The following PRSS55 variants were observed in gnomAD, a reference collection of about 807,000 sequenced individuals.
The protein encoded by PRSS55 is serine protease 55, also known as probable serine protease UNQ9391/PRO34284.
Under a neutral mutation model 23.6 loss-of-function variants are expected in PRSS55, and 41 were observed. The observed-to-expected ratio is 1.74, with a 90% CI of 1.35 to 2.26. The LOEUF is 2.26. Ranked by LOEUF, PRSS55 falls within the 30% of genes most tolerant of loss-of-function variation. PRSS55 has a pLI of 0.00. For synonymous variants in PRSS55, 262 were observed against 175.5 expected, an observed-to-expected ratio of 1.49 and a Z score of -3.90; for missense variants, 669 against 439.1, an observed-to-expected ratio of 1.52 and a Z score of -4.68.
Position 10,528,230 on chromosome 8 carries a change from G to A in PRSS55, c.155-1277G>A, listed in dbSNP as rs552438845. On this transcript the variant is annotated intron_variant, in intron 1 of 4. Coordinates refer to ENST00000328655, the MANE Select transcript of PRSS55 (RefSeq NM_198464.4). ...AAAAAAAAAAAAAAAGTCCCGAAGA[G>A]AGCCTTTATGCATTGCTGAGAGCAG... Among the ~76,000 whole-genome samples the A allele has an allele frequency of 1.1e-4, 16 of 150,070 alleles. No individual in the cohort carries two copies. The South Asian group carries it at 3.0e-3, about 28-fold the overall frequency.
intron 4 of PRSS55, among the ~76,000 whole-genome samples, chr8:10,551,982 C>T (rs1812962113): frequency 1.3e-5 from 2 of 152,364 alleles, no homozygotes; most frequent in Middle Eastern, 3.4e-3. Context: ...AATAGCTCTA[C>T]AGAGCAGCCG....
chr8:10,535,503 C>A (rs1047175917), intron 4 of PRSS55, among the ~76,000 whole-genome samples: 3 of 152,222 alleles, frequency 2.0e-5, no homozygotes, highest in Non-Finnish European at 2.9e-5. Context: ...GTTGGGATAA[C>A]TGGCTAGCCA....
intron 1 of PRSS55, among the ~76,000 whole-genome samples, chr8:10,529,024 C>T (rs1475545029): frequency 6.6e-6 from 1 of 152,204 alleles, no homozygotes; most frequent in Non-Finnish European, 1.5e-5. Context: ...GCCAGCATCA[C>T]GTTCCCACTC....
At chr8:10,528,777 T>C (rs1235254210) in intron 1 of PRSS55, among the ~76,000 whole-genome samples, 1 of 152,234 alleles carries the variant, frequency 6.6e-6, no homozygotes, top group Non-Finnish European at 1.5e-5. Context: ...AAAGGCCTTC[T>C]GGGGCTGAAT....
Position 10,525,641 on chromosome 8 carries a change from G to C in PRSS55, c.56G>C (p.Gly19Ala). ...TCCCTGGTCACGGGAACTCAGCTCG[G>C]TCCACGGACTCCTCTCCCAGAGGCT... ...LLSLVTGTQL[G>A]PRTPLPEAGV... is the part of the protein sequence containing the mutation. Residue 19 changes from glycine (G) to alanine (A), a missense_variant, in exon 1 of 5, where the codon GGT (glycine) becomes GCT (alanine). Physicochemically the swap from Gly to Ala is moderately conservative, Grantham distance 60. Transcript: ENST00000328655. 6.2e-7 allele frequency: 1 copy of C among 1,614,160 alleles called. No individual in the cohort carries two copies. Among genetic ancestry groups the C allele is most frequent in the Non-Finnish European group, 8.5e-7 (1 of 1,180,022 alleles).
At chr8:10,528,922 T>G (rs1436043189) in intron 1 of PRSS55, among the ~76,000 whole-genome samples, 1 of 152,162 alleles carries the variant, frequency 6.6e-6, no homozygotes, top group African/African-American at 2.4e-5. Context: ...TCTCTTTGCC[T>G]TTCCTCTGCA....
At chr8:10,549,128 G>C (rs935554668) in intron 4 of PRSS55, among the ~76,000 whole-genome samples, 5 of 152,204 alleles carry the variant, frequency 3.3e-5, no homozygotes, top group African/African-American at 7.2e-5. Flanking sequence ...TGGTCTAGAG[G>C]GGGAGATGGA....
intron 1 of PRSS55, among the ~76,000 whole-genome samples, chr8:10,527,040 C>T (rs1812049503): frequency 1.3e-5 from 2 of 152,196 alleles, no homozygotes; most frequent in South Asian, 2.1e-4. Flanking sequence ...CAACCCAGCT[C>T]ATACACACTC....
chr8:10,547,052 A>C (rs959631027), intron 4 of PRSS55, among the ~76,000 whole-genome samples: 13 of 152,308 alleles, frequency 8.5e-5, no homozygotes, highest in Admixed American at 7.2e-4. Context: ...AGCCCAGCAG[A>C]TGGCAGTGGG....
rs1248204290 is a variant in PRSS55, at chr8:10,525,678, C to T, written c.93C>T (p.Ile31=). 3 of 1,613,952 alleles carry T rather than the reference C, an allele frequency of 1.9e-6. No individual in the cohort carries two copies. Among genetic ancestry groups the T allele is most frequent in the Non-Finnish European group, 2.5e-6 (3 of 1,180,008 alleles). ...RTPLPEAGVA[I]LGRARGAHRP... ...CTCTCCCAGAGGCTGGAGTGGCTAT[C>T]CTAGGCAGGGCTAGGGGAGCCCACC... The change falls in exon 1 of 5, where the codon ATC becomes ATT. Residue 31 remains isoleucine, a synonymous_variant. Coordinates refer to ENST00000328655, the MANE Select transcript of PRSS55 (RefSeq NM_198464.4).
chr8:10,532,967 G>A lies in PRSS55; in HGVS notation c.660G>A (p.Glu220=), dbSNP rs1280906270. 1.9e-6 allele frequency: 3 copies of A among 1,614,166 alleles called. No homozygotes were observed. The highest frequency in any genetic ancestry group is 1.1e-5 in the South Asian group (1 of 91,078). The change falls in exon 4 of 5, where the codon GAG becomes GAA. Residue 220 remains glutamate, a synonymous_variant. Transcript: ENST00000328655. ...CGCCAATGGTCATCATGGACTGGGA[G>A]GAGTGTTCAAAGATGTTTCCAAAAC... ...MKAPMVIMDW[E]ECSKMFPKLT... is the part of the protein sequence containing the mutation.
intron 4 of PRSS55, among the ~76,000 whole-genome samples, chr8:10,553,008 G>A (rs1158826277): frequency 6.6e-6 from 1 of 152,216 alleles, no homozygotes; most frequent in Admixed American, 6.5e-5. Flanking sequence ...CATGAGATGT[G>A]GTTTAGTTCT....
intron 1 of PRSS55, among the ~76,000 whole-genome samples, chr8:10,526,735 C>T (rs1377007032): frequency 6.6e-6 from 1 of 152,222 alleles, no homozygotes; most frequent in African/African-American, 2.4e-5. Context: ...TCTGCCAGTT[C>T]ATTCTGGAGA....
chr8:10,533,057 G>C lies in PRSS55; in HGVS notation c.741+9G>C. On this transcript the variant is annotated intron_variant, in intron 4 of 4. Transcript: ENST00000328655. ...GCTATGATGCCTGCAAGGTAACTAG[G>C]GGGTACCCTCCCTCACCTTATAGGT... is the stretch of plus-strand genomic sequence containing the variant. The C allele has an allele frequency of 6.2e-7, 1 of 1,614,074 alleles. No individual in the cohort carries two copies. The highest frequency in any genetic ancestry group is 8.5e-7 in the Non-Finnish European group (1 of 1,179,966).
chr8:10,528,974 C>G (rs1288067305), intron 1 of PRSS55, among the ~76,000 whole-genome samples: 2 of 152,206 alleles, frequency 1.3e-5, no homozygotes, highest in Non-Finnish European at 2.9e-5. Flanking sequence ...CCCTCCACCC[C>G]TCTCAAGGGC....
At chr8:10,544,637 G>A (rs4841373) in intron 4 of PRSS55, among the ~76,000 whole-genome samples, 11,637 of 152,100 alleles carry the variant, frequency 0.077, 495 homozygotes, top group Non-Finnish European at 0.096. Context: ...TTCTAGTGTA[G>A]CATTTTAATT....
At chr8:10,544,394 CTACT>C (rs1812760749) in intron 4 of PRSS55, among the ~76,000 whole-genome samples, 1 of 129,464 alleles carries the variant, frequency 7.7e-6, no homozygotes, top group South Asian at 2.1e-4. Context: ...TATTTTTAAC[CTACT>C]TATATATGTG....
chr8:10,528,200 CAAAAAA>C (rs35143057), intron 1 of PRSS55, among the ~76,000 whole-genome samples: 1 of 89,612 alleles, frequency 1.1e-5, no homozygotes, highest in Non-Finnish European at 2.2e-5. Context: ...CTTCGTCTCT[CAAAAAA>C]AAAAAAAAAA....
chr8:10,549,468 G>C (rs1168642707), intron 4 of PRSS55, among the ~76,000 whole-genome samples: 1 of 152,200 alleles, frequency 6.6e-6, no homozygotes. Flanking sequence ...ATGTGGGCTG[G>C]GTACGGGGCT....
Sources: gnomAD v4.1 joint callset for allele counts (sites outside exome capture counted in the v4.1 genomes callset) on GRCh38, gnomAD v4.1.1 for gene constraint, MANE v1.5 for transcripts, NCBI Gene and HGNC (gene_info 2026-07-23, HGNC 2026-07-21) for gene names.